Variants in ZNF592 observed in about 807,000 individuals in gnomAD.
The protein encoded by ZNF592 is spinocerebellar ataxia, autosomal recessive 5.
ZNF592 carries 11 observed loss-of-function variants against 80.3 expected under a neutral mutation model. The observed-to-expected ratio is 0.14, with a 90% confidence interval of 0.09 to 0.23. The LOEUF is 0.23. Among genes scored for constraint, ZNF592 ranks in the 10% least tolerant of loss-of-function variants. ZNF592 has a pLI of 1.00. For missense variants in ZNF592, 1,420 were observed against 1,633.9 expected (o/e 0.87, Z 2.26); for synonymous variants, 646 against 640.3 (o/e 1.01, Z -0.13).
chr15:84,788,258 C>T (rs2141991258), intron 4 of ZNF592, among the ~76,000 whole-genome samples: 1 of 152,282 alleles, frequency 6.6e-6, no homozygotes, highest in East Asian at 1.9e-4. Flanking sequence ...ATTCTGATCC[C>T]TTCATTGTAA....
At position 84,768,299 on chromosome 15, in the gene ZNF592, G is replaced by A. The variant is rs554694580; in HGVS notation, c.-150+3484G>A. On this transcript the variant is annotated intron_variant, in intron 2 of 10. Transcript: ENST00000560079. ...AGGCTGGAGACTGGAGTGCAGTGGC[G>A]CGATCCCAGCTCACTACAACCTCTG... Among the ~76,000 whole-genome samples, 59 of 146,600 alleles carry A rather than the reference G, an allele frequency of 4.0e-4. 1 individual carries two copies. The South Asian group carries it at 9.8e-3, about 24-fold the overall frequency.
At position 84,798,213 on chromosome 15, in the gene ZNF592, T is replaced by C; in HGVS notation, c.2577-102T>C. On this transcript the variant is annotated intron_variant, in intron 6 of 10. Coordinates refer to ENST00000560079, the MANE Select transcript of ZNF592 (RefSeq NM_014630.3). This position sits in a 1 kb window ranked among gnomAD's most constrained non-coding sequence, Gnocchi z 4.5. ...GGGGAGCATCCACATTGGCTCAGGG[T>C]AGTGCTTTCCCAAACTTGACCCTGG... is the stretch of plus-strand genomic sequence containing the variant. The C allele has an allele frequency of 6.3e-7, 1 of 1,588,650 alleles. No individual in the cohort carries two copies.
chr15:84,781,816 C>A (rs1962428173), intron 3 of ZNF592, among the ~76,000 whole-genome samples: 1 of 152,176 alleles, frequency 6.6e-6, no homozygotes, highest in African/African-American at 2.4e-5. Context: ...CTCTCTAGGG[C>A]CTTGTGTTTC....
chr15:84,784,750 C>G lies in ZNF592; in HGVS notation c.2075C>G (p.Pro692Arg), dbSNP rs1423119724. The change falls in exon 4 of 11, where the codon CCC becomes CGC. Residue 692 changes from proline to arginine, a missense_variant. By Grantham distance (103) the Pro-to-Arg change is moderately radical. This residue lies in a region of ZNF592 where 524 missense variants were observed against 628.3 expected (regional missense o/e 0.83). Transcript: ENST00000560079. The surrounding 1 kb of genome is among the most constrained non-coding windows in gnomAD (Gnocchi z 5.8). ...KHGLTSGSAS[P>R]PPPALPLYPD... is the part of the protein sequence containing the mutation. ...GGCCTCACTTCGGGCAGTGCCAGTC[C>G]CCCTCCTCCAGCCTTGCCACTCTAC... 5.0e-6 allele frequency: 8 copies of G among 1,614,132 alleles called. No individual in the cohort carries two copies. Among genetic ancestry groups the G allele is most frequent in the Admixed American group, 1.7e-5 (1 of 60,012 alleles).
At position 84,782,638 on chromosome 15, in the gene ZNF592, T is replaced by C; in HGVS notation, c.-19-19T>C. ...GGGACCCTGGTGGTCACTGATTCTG[T>C]TTTCTGTTTCTGTTACAGCCCTTGC... On this transcript the variant is annotated intron_variant, in intron 3 of 10. Transcript: ENST00000560079. The C allele has an allele frequency of 6.2e-7, 1 of 1,613,030 alleles. No homozygotes were observed. The highest frequency in any genetic ancestry group is 8.5e-7 in the Non-Finnish European group (1 of 1,179,338).
chr15:84,775,349 A>C (rs978659632), intron 2 of ZNF592, among the ~76,000 whole-genome samples: 1 of 151,340 alleles, frequency 6.6e-6, no homozygotes, highest in Non-Finnish European at 1.5e-5. Flanking sequence ...GCCCACCTCA[A>C]CCTCCCAAAG....
intron 2 of ZNF592, among the ~76,000 whole-genome samples, chr15:84,765,663 T>G (rs888452728): frequency 6.8e-6 from 1 of 148,026 alleles, no homozygotes; most frequent in Non-Finnish European, 1.5e-5. Flanking sequence ...CTCAGCCTCC[T>G]GAGTAGCTGG....
chr15:84,783,994 G>A lies in ZNF592; in HGVS notation c.1319G>A (p.Gly440Glu). The A allele has an allele frequency of 6.2e-7, 1 of 1,611,486 alleles. No homozygotes were observed. The highest frequency in any genetic ancestry group is 8.5e-7 in the Non-Finnish European group (1 of 1,177,980). ...TTTCCTGAGGCAGGCACAAATTCAG[G>A]GAGCCCCCAGGGGGCCAGGAAAGGG... ...EHFPEAGTNS[G>E]SPQGARKGDE... Residue 440 changes from glycine to glutamate, a missense_variant, in exon 4 of 11, where the codon GGG becomes GAG. By Grantham distance (98) the Gly-to-Glu change is moderately conservative (BLOSUM62 -2). This residue lies in a region of ZNF592 where 524 missense variants were observed against 628.3 expected (regional missense o/e 0.83). Transcript: ENST00000560079. The surrounding 1 kb of genome is among the most constrained non-coding windows in gnomAD (Gnocchi z 5.0).
rs1156306716 is a variant in ZNF592, at chr15:84,783,683, G to A, written c.1008G>A (p.Leu336=). The A allele has an allele frequency of 1.2e-6, 2 of 1,614,118 alleles. No individual in the cohort carries two copies. Among genetic ancestry groups the A allele is most frequent in the South Asian group, 1.1e-5 (1 of 91,094 alleles). Residue 336 remains leucine, a synonymous_variant, in exon 4 of 11, where the codon CTG becomes CTA. Coordinates refer to ENST00000560079, the MANE Select transcript of ZNF592 (RefSeq NM_014630.3). This position sits in a 1 kb window ranked among gnomAD's most constrained non-coding sequence, Gnocchi z 5.0. The part of the protein sequence containing the change: ...PKSPKSPRSP[L]EATRKSIKPS... ...CACCAAAGAGTCCCCGGAGCCCTCT[G>A]GAGGCCACTAGAAAAAGTATCAAGC...
At chr15:84,749,968 A>G (rs1313724035) in intron 1 of ZNF592, among the ~76,000 whole-genome samples, 1 of 152,262 alleles carries the variant, frequency 6.6e-6, no homozygotes, top group Non-Finnish European at 1.5e-5. Flanking sequence ...AGCCAGAAAG[A>G]TACCATGTTT....
At chr15:84,761,037 C>T (rs553389212) in intron 1 of ZNF592, among the ~76,000 whole-genome samples, 1 of 152,094 alleles carries the variant, frequency 6.6e-6, no homozygotes, top group Non-Finnish European at 1.5e-5. Flanking sequence ...AATCTTGGCT[C>T]ACTGCAACCT....
At chr15:84,763,460 A>G (rs1319526944) in intron 1 of ZNF592, among the ~76,000 whole-genome samples, 1 of 152,154 alleles carries the variant, frequency 6.6e-6, no homozygotes, top group African/African-American at 2.4e-5. Context: ...GCACCTCCCA[A>G]TTTATTTACT....
chr15:84,769,600 G>A (rs1179060985), intron 2 of ZNF592, among the ~76,000 whole-genome samples: 10 of 151,776 alleles, frequency 6.6e-5, no homozygotes, highest in African/African-American at 2.2e-4. Context: ...TTGTGTGCCT[G>A]GACAGACTGG....
At chr15:84,757,506 T>C (rs1478434694) in intron 1 of ZNF592, among the ~76,000 whole-genome samples, 1 of 151,832 alleles carries the variant, frequency 6.6e-6, no homozygotes, top group African/African-American at 2.4e-5. Context: ...CAATGCCTGG[T>C]TAATTAGTTT....
Position 84,784,421 on chromosome 15 carries a change from G to A in ZNF592, c.1746G>A (p.Val582=). The A allele has an allele frequency of 1.2e-6, 2 of 1,614,212 alleles. No homozygotes were observed. Among genetic ancestry groups the A allele is most frequent in the Non-Finnish European group, 1.7e-6 (2 of 1,180,048 alleles). ...LSPPADSRIH[V]PASGYCCLEC... is the part of the protein sequence containing the mutation. Reference sequence around the variant, plus strand: ...CGCCTGCGGACAGCAGGATCCACGTGCCGGCCAGTGGGTACTGCTGCCTGG... The same window carrying A: ...CGCCTGCGGACAGCAGGATCCACGTACCGGCCAGTGGGTACTGCTGCCTGG... Residue 582 remains valine (V), a synonymous_variant, in exon 4 of 11, where the codon GTG becomes GTA. Coordinates refer to ENST00000560079, the MANE Select transcript of ZNF592 (RefSeq NM_014630.3). The surrounding 1 kb of genome is among the most constrained non-coding windows in gnomAD (Gnocchi z 5.8).
intron 2 of ZNF592, among the ~76,000 whole-genome samples, chr15:84,772,433 C>G (rs1416951981): frequency 1.3e-5 from 2 of 152,092 alleles, no homozygotes; most frequent in African/African-American, 4.8e-5. Flanking sequence ...ACCTGCATCC[C>G]CAGCTACTCA....
At chr15:84,791,592 A>G (rs549291747) in intron 5 of ZNF592, among the ~76,000 whole-genome samples, 3 of 152,010 alleles carry the variant, frequency 2.0e-5, no homozygotes, top group South Asian at 4.1e-4. Context: ...TTTTGTGTGT[A>G]CTTATTATTG....
Position 84,799,668 on chromosome 15 carries a change from C to T in ZNF592, c.3138-174C>T, listed in dbSNP as rs531871015. ...GGTGTCAAGAGTGCAAGTATTCTGA[C>T]GTGCTATTGTCTGCTACCTTGGCTG... On this transcript the variant is annotated intron_variant, in intron 9 of 10. Transcript: ENST00000560079. The surrounding 1 kb of genome is among the most constrained non-coding windows in gnomAD (Gnocchi z 4.2). Among the ~76,000 whole-genome samples, 4 of 152,312 alleles carry T rather than the reference C, an allele frequency of 2.6e-5. No individual in the cohort carries two copies. The highest frequency in any genetic ancestry group is 4.8e-5 in the African/African-American group (2 of 41,568).
At chr15:84,759,538 T>G (rs1348068708) in intron 1 of ZNF592, among the ~76,000 whole-genome samples, 2 of 152,206 alleles carry the variant, frequency 1.3e-5, no homozygotes, top group Non-Finnish European at 2.9e-5. Flanking sequence ...TATAGCTCCA[T>G]TCCTCTGAGT....
Sources: allele counts gnomAD v4.1 joint callset (sites outside exome capture counted in the v4.1 genomes callset), GRCh38; gene constraint gnomAD v4.1.1; regional missense constraint gnomAD v4.1.1; non-coding constraint Gnocchi (gnomAD v3.1); transcripts MANE v1.5; gene names NCBI Gene and HGNC (gene_info 2026-07-23, HGNC 2026-07-21).